Variants in RNF121 observed in about 807,000 individuals in gnomAD.
RNF121 encodes E3 ubiquitin ligase RNF121.
RNF121 carries 21 observed loss-of-function variants against 46.5 expected under a neutral mutation model. The observed-to-expected ratio is 0.45, with a 90% CI of 0.32 to 0.65. RNF121 has a LOEUF of 0.65. RNF121 is among the 30% of genes least tolerant of loss of function. RNF121 has a pLI of 0.04. For synonymous variants in RNF121, 139 were observed against 144.7 expected, an observed-to-expected ratio of 0.96 and a Z score of 0.28; for missense variants, 346 against 416.0, an observed-to-expected ratio of 0.83 and a Z score of 1.46.
intron 3 of RNF121, among the ~76,000 whole-genome samples, chr11:71,964,265 A>G (rs890990116): frequency 6.6e-6 from 1 of 152,136 alleles, no homozygotes; most frequent in Admixed American, 6.5e-5. Context: ...ATTCTTTTTG[A>G]TGCCATTGTT....
rs147530840 is a variant in RNF121 at position 71,950,168 on chromosome 11, G to A, written c.64-7059G>A. On this transcript the variant is annotated intron_variant, in intron 1 of 8. Coordinates refer to ENST00000361756, the MANE Select transcript of RNF121 (RefSeq NM_018320.5). ...TGCTAGGTTGCTCAGCCAAAGAGGT[G>A]AAGGATTGGGTTTCAGAGTTTAGGG... Among the ~76,000 whole-genome samples the A allele has an allele frequency of 7.2e-5, 11 of 152,316 alleles. No individual in the cohort carries two copies. The East Asian group carries it at 2.1e-3, about 29-fold the overall frequency.
chr11:71,989,899 C>T (rs1385864138), intron 5 of RNF121, among the ~76,000 whole-genome samples: 2 of 151,964 alleles, frequency 1.3e-5, no homozygotes, highest in Non-Finnish European at 2.9e-5. Flanking sequence ...TGTAAAGGTC[C>T]AAATAGTAAA....
chr11:71,995,439 G>A lies in RNF121; in HGVS notation c.762-11G>A, dbSNP rs772299278. 4 of 1,566,728 alleles carry A rather than the reference G, an allele frequency of 2.6e-6. No individual in the cohort carries two copies. In the South Asian group the frequency reaches 4.7e-5, roughly 18 times the overall value. On this transcript the variant is annotated splice_polypyrimidine_tract_variant and intron_variant, in intron 7 of 8. Transcript: ENST00000361756. The stretch of plus-strand genomic sequence containing the variant: ...TGGCTCTCACCATTTCCCTTGACCA[G>A]CGGTGCTCAGCTTCCACGAGTTCTG...
At chr11:71,968,975 T>C (rs1291257940) in intron 3 of RNF121, among the ~76,000 whole-genome samples, 1 of 149,092 alleles carries the variant, frequency 6.7e-6, no homozygotes, top group African/African-American at 2.5e-5. Flanking sequence ...AACCTCCGCC[T>C]CTTGGGTTCA....
chr11:71,995,578 G>A, intron 8 of RNF121, 27 bp downstream of exon 8: 1 of 1,544,044 alleles, frequency 6.5e-7, no homozygotes, highest in Non-Finnish European at 8.8e-7. Context: ...TCGTTGTTGG[G>A]AGTGGGCTGT....
At chr11:71,970,070 G>A (rs1179755759) in intron 3 of RNF121, among the ~76,000 whole-genome samples, 1 of 152,176 alleles carries the variant, frequency 6.6e-6, no homozygotes, top group African/African-American at 2.4e-5. Flanking sequence ...AAGAAATTAT[G>A]TCATGTGGTA....
rs372451541 is a variant in RNF121, at chr11:71,996,341, C to T, written c.*26C>T. Reference sequence around the variant, plus strand: ...TGATGAAGAGCATCAGTGGAAAACCCACCCCACACGCCATGGACCTCAGGG... The same window carrying T: ...TGATGAAGAGCATCAGTGGAAAACCTACCCCACACGCCATGGACCTCAGGG... On this transcript the variant is annotated 3_prime_UTR_variant, in exon 9 of 9. Coordinates refer to ENST00000361756, the MANE Select transcript of RNF121 (RefSeq NM_018320.5). 4.8e-5 allele frequency: 78 copies of T among 1,612,180 alleles called. No individual in the cohort carries two copies. In the African/African-American group the frequency reaches 1.0e-3, roughly 21 times the overall value.
intron 1 of RNF121, among the ~76,000 whole-genome samples, chr11:71,929,884 T>G (rs1336755550): frequency 6.6e-6 from 1 of 152,182 alleles, no homozygotes; most frequent in Non-Finnish European, 1.5e-5. Context: ...GTGTGCAACA[T>G]TTCAGCTTGG....
intron 1 of RNF121, among the ~76,000 whole-genome samples, chr11:71,953,062 C>T (rs1341541790): frequency 1.3e-5 from 2 of 152,162 alleles, no homozygotes; most frequent in African/African-American, 4.8e-5. Context: ...GAGACAGGGT[C>T]TTGCACTGTC....
intron 2 of RNF121, among the ~76,000 whole-genome samples, 174 bp from the exon 3 acceptor site, chr11:71,960,576 G>C (rs777466196): frequency 1.3e-5 from 2 of 152,072 alleles, no homozygotes; most frequent in Non-Finnish European, 2.9e-5. Flanking sequence ...ATTCTATCTC[G>C]ACATGCCTGT....
At chr11:71,946,314 C>T (rs930885615) in intron 1 of RNF121, among the ~76,000 whole-genome samples, 1 of 152,208 alleles carries the variant, frequency 6.6e-6, no homozygotes, top group African/African-American at 2.4e-5. Context: ...AGTGCTATAA[C>T]ATGGGTGATG....
chr11:71,978,669 A>G (rs1403084079), intron 3 of RNF121, among the ~76,000 whole-genome samples: 1 of 152,236 alleles, frequency 6.6e-6, no homozygotes, highest in Non-Finnish European at 1.5e-5. Flanking sequence ...TATAAGAACT[A>G]TTATATCAAA....
intron 1 of RNF121, among the ~76,000 whole-genome samples, chr11:71,940,163 T>A (rs961309347): frequency 2.0e-5 from 3 of 152,242 alleles, no homozygotes; most frequent in African/African-American, 7.2e-5. Context: ...TAATGATATA[T>A]TTACTGATAA....
intron 5 of RNF121, among the ~76,000 whole-genome samples, chr11:71,988,318 G>C (rs1954806004): frequency 6.6e-6 from 1 of 152,176 alleles, no homozygotes; most frequent in African/African-American, 2.4e-5. Context: ...TGGAAATAAT[G>C]CTTTCCTGGA....
intron 5 of RNF121, among the ~76,000 whole-genome samples, chr11:71,990,065 CTG>C (rs1181553836): frequency 6.6e-6 from 1 of 152,216 alleles, no homozygotes; most frequent in African/African-American, 2.4e-5. Flanking sequence ...TTGTCATAAG[CTG>C]AGACAATCTC....
chr11:71,987,123 T>G lies in RNF121; in HGVS notation c.506+12T>G. The G allele has an allele frequency of 6.5e-7, 1 of 1,529,970 alleles. No homozygotes were observed. 94.8% of individuals were successfully genotyped at this position (1,529,970 alleles called of 1,614,324 possible). A position where few individuals can be genotyped will look rare whatever the true frequency, so the allele number is the denominator to read the frequency against. ...AACTTATTATTCAAGTGAGTACCCT[T>G]TGTTTTTGTTTTTGCTGGAGTTTGG... On this transcript the variant is annotated intron_variant, in intron 5 of 8. Transcript: ENST00000361756.
intron 3 of RNF121, among the ~76,000 whole-genome samples, chr11:71,967,359 T>G (rs908924810): frequency 2.9e-5 from 4 of 137,678 alleles, no homozygotes; most frequent in African/African-American, 7.9e-5. Flanking sequence ...GTTTTTTTTT[T>G]TTTTTTTTGA....
chr11:71,984,745 A>ATT (rs56134788), intron 4 of RNF121, among the ~76,000 whole-genome samples: 73 of 94,864 alleles, frequency 7.7e-4, no homozygotes, highest in African/African-American at 2.6e-3. Context: ...CACCCGGCTA[A>ATT]TTTTTTTTTT....
At chr11:71,950,859 T>G (rs981475125) in intron 1 of RNF121, among the ~76,000 whole-genome samples, 2 of 151,980 alleles carry the variant, frequency 1.3e-5, no homozygotes, top group Non-Finnish European at 1.5e-5. Context: ...AAGGCCAGAG[T>G]ATTATAGCTC....
Sources: gnomAD v4.1 joint callset for allele counts (sites outside exome capture counted in the v4.1 genomes callset) on GRCh38, gnomAD v4.1.1 for gene constraint, MANE v1.5 for transcripts, NCBI Gene and HGNC (gene_info 2026-07-23, HGNC 2026-07-21) for gene names.